GRPR: variants seen among roughly 807,000 people sequenced by gnomAD.
The protein encoded by GRPR is gastrin-releasing peptide receptor.
In GRPR, 4 loss-of-function variants were observed where a neutral mutation model predicts 15.6. The observed-to-expected ratio is 0.26, with a 90% CI of 0.13 to 0.59. The LOEUF (loss-of-function observed/expected upper bound fraction) is 0.59. GRPR is among the 20% of genes least tolerant of loss of function. The probability of loss-of-function intolerance (pLI) is 0.90; values close to 1 mark genes in which losing one functional copy is unlikely to be tolerated. For synonymous variants in GRPR, 128 were observed against 126.8 expected, an observed-to-expected ratio of 1.01 and a Z score of -0.06; for missense variants, 270 against 304.1, an observed-to-expected ratio of 0.89 and a Z score of 0.83.
intron 1 of GRPR, among the ~76,000 whole-genome samples, chrX:16,140,986 C>T (rs1461977823): frequency 8.9e-6 from 1 of 111,908 alleles, no homozygotes. Flanking sequence ...CTGTGTCTAA[C>T]TACAATTTGC....
At position 16,150,371 on chromosome X, in the gene GRPR, A is replaced by C. The variant is rs1190137931; in HGVS notation, c.480A>C (p.Lys160Asn). 3 of 1,207,419 alleles carry C rather than the reference A, an allele frequency of 2.5e-6. No individual in the cohort carries two copies. The East Asian group carries it at 8.9e-5, about 36-fold the overall frequency. ...ATGCCCTGATGAAGATCTGCCTCAA[A>C]GCCGCCTTTATCTGGATCATCTCCA... ...ASHALMKICL[K>N]AAFIWIISML... The change falls in exon 2 of 3, where the codon AAA (lysine) becomes AAC (asparagine). Residue 160 changes from lysine (K) to asparagine (N), a missense_variant. Physicochemically the swap from Lys to Asn is moderately conservative, Grantham distance 94. Coordinates refer to ENST00000380289, the MANE Select transcript of GRPR (RefSeq NM_005314.3).
intron 1 of GRPR, among the ~76,000 whole-genome samples, chrX:16,143,831 A>T (rs1298722111): frequency 2.7e-5 from 3 of 112,144 alleles, no homozygotes; most frequent in Non-Finnish European, 5.6e-5. Context: ...GGAATGTAAT[A>T]CCTAATATCT....
At chrX:16,132,469 A>G (rs1007395723) in intron 1 of GRPR, among the ~76,000 whole-genome samples, 1 of 112,164 alleles carries the variant, frequency 8.9e-6, no homozygotes, top group African/African-American at 3.2e-5. Context: ...CATAAAATCC[A>G]GAAAAAGAAT....
chrX:16,152,847 T>C lies in GRPR; in HGVS notation c.*202T>C. 1 of 434,767 alleles carries C rather than the reference T, an allele frequency of 2.3e-6. No individual in the cohort carries two copies. The allele number at this position is 434,767 out of a possible 1,213,427, so 35.8% of individuals were successfully genotyped here. A position where few individuals can be genotyped will look rare whatever the true frequency, so the allele number is the denominator to read the frequency against. On this transcript the variant is annotated 3_prime_UTR_variant, in exon 3 of 3. Transcript: ENST00000380289. The stretch of plus-strand genomic sequence containing the variant: ...CAAGTCTTAAGTTTTTCATTTCAAC[T>C]TGTGAACGTTTCTTCTGATGTGAAG...
chrX:16,139,845 A>G (rs909176439), intron 1 of GRPR, among the ~76,000 whole-genome samples: 3 of 112,285 alleles, frequency 2.7e-5, no homozygotes, highest in Admixed American at 9.4e-5. Context: ...GACAATAGTA[A>G]TACCTATCTT....
At chrX:16,139,599 C>T (rs1032978470) in intron 1 of GRPR, among the ~76,000 whole-genome samples, 16 of 111,136 alleles carry the variant, frequency 1.4e-4, no homozygotes, top group Admixed American at 6.7e-4. Context: ...TTTCAAAGTG[C>T]GTTTGAAAAA....
chrX:16,140,016 A>C (rs747626455), intron 1 of GRPR, among the ~76,000 whole-genome samples: 61 of 112,014 alleles, frequency 5.4e-4, no homozygotes, highest in Non-Finnish European at 7.0e-4. Flanking sequence ...ACAGTTAATC[A>C]TAGAAGTGGG....
chrX:16,133,808 T>G (rs1475656422), intron 1 of GRPR, among the ~76,000 whole-genome samples: 2 of 111,997 alleles, frequency 1.8e-5, no homozygotes, highest in African/African-American at 6.5e-5. Flanking sequence ...TTTCTGATTT[T>G]CAGCAGTATT....
chrX:16,149,832 T>G (rs1005665694), intron 1 of GRPR, among the ~76,000 whole-genome samples: 3 of 111,103 alleles, frequency 2.7e-5, no homozygotes, highest in African/African-American at 6.5e-5. Context: ...TTAATAACAA[T>G]GTATTGCACA....
chrX:16,142,084 G>A (rs1225364502), intron 1 of GRPR, among the ~76,000 whole-genome samples: 1 of 111,901 alleles, frequency 8.9e-6, no homozygotes. Flanking sequence ...AAAATTGCAA[G>A]CCCAAGAGAG....
intron 1 of GRPR, among the ~76,000 whole-genome samples, chrX:16,136,323 C>G (rs1276679340): frequency 8.9e-6 from 1 of 112,040 alleles, no homozygotes; most frequent in African/African-American, 3.2e-5. Flanking sequence ...AAGAGCTCTT[C>G]ATAAAGGCAT....
At chrX:16,136,807 A>G (rs5980232) in intron 1 of GRPR, among the ~76,000 whole-genome samples, 44,128 of 111,404 alleles carry the variant, frequency 0.4, 7,083 homozygotes, top group African/African-American at 0.59. Context: ...ACACGGTGAT[A>G]ATACAATAAA....
At chrX:16,131,351 A>C (rs980885075) in intron 1 of GRPR, among the ~76,000 whole-genome samples, 2 of 112,037 alleles carry the variant, frequency 1.8e-5, no homozygotes, top group Non-Finnish European at 3.8e-5. Flanking sequence ...AGAACAAGGG[A>C]TTTTGAAGAA....
At chrX:16,128,498 G>A (rs1922329244) in intron 1 of GRPR, among the ~76,000 whole-genome samples, 1 of 110,440 alleles carries the variant, frequency 9.1e-6, no homozygotes, top group Admixed American at 9.6e-5. Flanking sequence ...CTGAATGACA[G>A]AGCAAGACTC....
intron 2 of GRPR, among the ~76,000 whole-genome samples, 161 bp downstream of exon 2, chrX:16,150,817 G>A (rs993866655): frequency 8.9e-6 from 1 of 112,310 alleles, no homozygotes; most frequent in Admixed American, 9.4e-5. Context: ...GAAACCCAAG[G>A]TGTTCTTTAT....
rs748153348 is a variant in GRPR, at chrX:16,135,160, C to T, written c.413+10794C>T. On this transcript the variant is annotated intron_variant, in intron 1 of 2. Coordinates refer to ENST00000380289, the MANE Select transcript of GRPR (RefSeq NM_005314.3). Reference sequence around the variant, plus strand: ...GTCAGGAATCTCAACTGATGCCTGCCGCAGGGGACACTGCCAAGCATGTAG... The same window carrying T: ...GTCAGGAATCTCAACTGATGCCTGCTGCAGGGGACACTGCCAAGCATGTAG... Among the ~76,000 whole-genome samples the T allele has an allele frequency of 5.4e-5, 6 of 111,532 alleles. No homozygotes were observed. The South Asian group carries it at 1.5e-3, about 28-fold the overall frequency.
At chrX:16,125,632 C>T (rs1420608477) in intron 1 of GRPR, among the ~76,000 whole-genome samples, 1 of 112,240 alleles carries the variant, frequency 8.9e-6, no homozygotes, top group East Asian at 2.8e-4. Flanking sequence ...ATAGTGTTAT[C>T]AGTATTTATA....
At chrX:16,143,078 C>T (rs1922553453) in intron 1 of GRPR, among the ~76,000 whole-genome samples, 2 of 110,675 alleles carry the variant, frequency 1.8e-5, no homozygotes, top group African/African-American at 3.3e-5. Context: ...GGCATTCCTG[C>T]TCATGTCTGA....
At chrX:16,136,800 C>T (rs932298091) in intron 1 of GRPR, among the ~76,000 whole-genome samples, 7 of 112,098 alleles carry the variant, frequency 6.2e-5, no homozygotes, top group African/African-American at 1.3e-4. Context: ...CAAATATACA[C>T]GGTGATAATA....
Sources: gnomAD v4.1 joint callset for allele counts (sites outside exome capture counted in the v4.1 genomes callset) on GRCh38, gnomAD v4.1.1 for gene constraint, MANE v1.5 for transcripts, NCBI Gene and HGNC (gene_info 2026-07-23, HGNC 2026-07-21) for gene names.